The following MAD1L1 variants were observed in gnomAD, a reference collection of about 807,000 sequenced individuals.
MAD1L1 encodes mitotic arrest deficient 1 like 1.
A neutral mutation model predicts 96.9 loss-of-function variants in MAD1L1; 95 were observed. That is an observed-to-expected ratio of 0.98 (90% CI 0.83 to 1.16). MAD1L1 has a LOEUF of 1.16. Among genes scored for constraint, MAD1L1 ranks in the 50% most tolerant of loss-of-function variants. MAD1L1 has a pLI of 0.00. For missense variants in MAD1L1, 1,007 were observed against 954.4 expected (o/e 1.06, Z -0.73); for synonymous variants, 473 against 396.6 (o/e 1.19, Z -2.29).
chr7:1,918,056 C>T (rs1333061066), intron 17 of MAD1L1, among the ~76,000 whole-genome samples: 2 of 152,178 alleles, frequency 1.3e-5, no homozygotes, highest in Admixed American at 6.5e-5. Context: ...TATCACACCC[C>T]ACCTCGCAGA....
intron 12 of MAD1L1, among the ~76,000 whole-genome samples, chr7:2,039,279 A>G (rs1327804434): frequency 6.6e-6 from 1 of 152,244 alleles, no homozygotes; most frequent in Non-Finnish European, 1.5e-5. Flanking sequence ...GAAGGACATC[A>G]GAATTCTTTC....
At chr7:1,935,787 G>C (rs1248079618) in intron 17 of MAD1L1, among the ~76,000 whole-genome samples, 1 of 152,244 alleles carries the variant, frequency 6.6e-6, no homozygotes, top group Non-Finnish European at 1.5e-5. Context: ...AGATGCCAAA[G>C]GCCAGAAAGC....
intron 12 of MAD1L1, among the ~76,000 whole-genome samples, chr7:2,034,677 C>T (rs908369556): frequency 1.1e-4 from 17 of 152,226 alleles, no homozygotes; most frequent in Admixed American, 2.6e-4. Context: ...TCCCCACACT[C>T]GGCTGCCTCC....
At chr7:2,188,746 G>T (rs1025380338) in intron 10 of MAD1L1, among the ~76,000 whole-genome samples, 5 of 151,982 alleles carry the variant, frequency 3.3e-5, no homozygotes, top group African/African-American at 4.8e-5. Flanking sequence ...AAAAACAGGG[G>T]AGAAGGTTTA....
intron 14 of MAD1L1, among the ~76,000 whole-genome samples, chr7:1,985,093 G>A (rs1254015376): frequency 6.6e-6 from 1 of 152,188 alleles, no homozygotes; most frequent in East Asian, 1.9e-4. Context: ...GTGTCCACTG[G>A]ACAGGACCTG....
At chr7:1,848,218 A>G (rs746589663) in intron 18 of MAD1L1, 1 of 181,306 alleles carries the variant, frequency 5.5e-6, no homozygotes, top group Admixed American at 5.4e-5. Flanking sequence ...AGATGCCAAC[A>G]AGCAAGCAGC....
chr7:2,204,146 G>A (rs949706346), intron 10 of MAD1L1, among the ~76,000 whole-genome samples: 31 of 152,204 alleles, frequency 2.0e-4, no homozygotes, highest in Non-Finnish European at 2.9e-5. Context: ...AAAGACCCAG[G>A]AGGTGCACGC....
chr7:2,123,723 G>A (rs1327610186), intron 11 of MAD1L1, among the ~76,000 whole-genome samples: 1 of 152,208 alleles, frequency 6.6e-6, no homozygotes, highest in Non-Finnish European at 1.5e-5. Context: ...CGCAGGCGGC[G>A]CTGAATCGAT....
chr7:1,924,298 G>A (rs1788974495), intron 17 of MAD1L1, among the ~76,000 whole-genome samples: 1 of 152,186 alleles, frequency 6.6e-6, no homozygotes, highest in Non-Finnish European at 1.5e-5. Context: ...ACCCACACAC[G>A]CTGGAACCCA....
chr7:1,902,494 T>G (rs1000957429), intron 17 of MAD1L1, among the ~76,000 whole-genome samples: 14 of 152,328 alleles, frequency 9.2e-5, no homozygotes, highest in African/African-American at 3.4e-4. Context: ...TACATCCTCT[T>G]TACTCCTTCG....
chr7:2,000,012 T>C (rs1781720630), intron 14 of MAD1L1, among the ~76,000 whole-genome samples: 1 of 152,150 alleles, frequency 6.6e-6, no homozygotes, highest in East Asian at 1.9e-4. Context: ...TTCTGACTTC[T>C]CTGCTACCTA....
Position 1,936,843 on chromosome 7 carries a change from T to C in MAD1L1, c.1651A>G (p.Ser551Gly). 1 of 1,607,002 alleles carries C rather than the reference T, an allele frequency of 6.2e-7. No homozygotes were observed. Among genetic ancestry groups the C allele is most frequent in the Non-Finnish European group, 8.5e-7 (1 of 1,177,248 alleles). The change falls in exon 17 of 19, where the codon AGT becomes GGT. Residue 551 changes from serine to glycine, a missense_variant. Transcript: ENST00000265854. ...KVLHMSLNPT[S>G]VARQRLREDH... is the part of the protein sequence containing the mutation. ...TCGCGCAGGCGCTGCCTGGCCACAC[T>C]GGTGGGGTTCAGGCTCATGTGCAGC...
chr7:1,965,399 C>G (rs200411813), intron 15 of MAD1L1, among the ~76,000 whole-genome samples: 1 of 152,224 alleles, frequency 6.6e-6, no homozygotes. Flanking sequence ...TGCCTGGACA[C>G]GTGCCCGGCT....
intron 9 of MAD1L1, among the ~76,000 whole-genome samples, chr7:2,214,978 T>C (rs1200044445): frequency 6.6e-6 from 1 of 152,144 alleles, no homozygotes; most frequent in Non-Finnish European, 1.5e-5. Flanking sequence ...ACGCCTGTCA[T>C]CTCAGCACTT....
chr7:1,935,747 C>T (rs182074352), intron 17 of MAD1L1, among the ~76,000 whole-genome samples: 19 of 152,350 alleles, frequency 1.2e-4, no homozygotes, highest in East Asian at 9.6e-4. Flanking sequence ...AAGGTATCAT[C>T]GGATGAAAGC....
At chr7:2,076,745 C>T (rs572637637) in intron 11 of MAD1L1, among the ~76,000 whole-genome samples, 14 of 152,206 alleles carry the variant, frequency 9.2e-5, no homozygotes, top group South Asian at 2.1e-4. Flanking sequence ...ACTTGGTGAG[C>T]CCGCAACATG....
intron 12 of MAD1L1, among the ~76,000 whole-genome samples, chr7:2,067,219 A>ACG (rs1784916705): frequency 2.3e-5 from 3 of 130,440 alleles, no homozygotes; most frequent in African/African-American, 1.1e-4. Flanking sequence ...TCATCAGGCC[A>ACG]TGTTCGCAGG....
chr7:2,025,029 T>C (rs1055424633), intron 12 of MAD1L1, among the ~76,000 whole-genome samples: 2 of 152,224 alleles, frequency 1.3e-5, no homozygotes, highest in Non-Finnish European at 2.9e-5. Context: ...ATGTAAACTA[T>C]GGGCTTTGGT....
rs149426415 is a variant in MAD1L1, at chr7:1,883,462, G to T, written c.1998+14738C>A. 1.2e-4 allele frequency among the ~76,000 whole-genome samples: 19 copies of T among 152,256 alleles called. No homozygotes were observed. The South Asian group carries it at 3.7e-3, about 30-fold the overall frequency. ...GTCATGGGGAGGGCTGCCCATGCCC[G>T]CAGGATGCCCATTTCCATGGGAATC... On this transcript the variant is annotated intron_variant, in intron 18 of 18. Coordinates refer to ENST00000265854, the MANE Select transcript of MAD1L1 (RefSeq NM_001013836.2).
Sources: allele counts gnomAD v4.1 joint callset (sites outside exome capture counted in the v4.1 genomes callset), GRCh38; gene constraint gnomAD v4.1.1; transcripts MANE v1.5; gene names NCBI Gene and HGNC (gene_info 2026-07-23, HGNC 2026-07-21).